Variants in EPM2A observed in about 807,000 individuals in gnomAD.
EPM2A encodes laforin.
Under a neutral mutation model 26.5 loss-of-function variants are expected in EPM2A, and 21 were observed. That is an observed-to-expected ratio of 0.79 (90% CI 0.56 to 1.14). The LOEUF (loss-of-function observed/expected upper bound fraction) is 1.14, where lower values mean the gene tolerates loss of function less well. Ranked by LOEUF, EPM2A falls within the 50% of genes most tolerant of loss-of-function variation. The pLI, the probability that EPM2A is intolerant of heterozygous loss-of-function variation, is 0.00. For missense variants in EPM2A, 458 were observed against 440.8 expected, an observed-to-expected ratio of 1.04 and a Z score of -0.35; for synonymous variants, 217 against 177.6, an observed-to-expected ratio of 1.22 and a Z score of -1.76.
intron 4 of EPM2A, among the ~76,000 whole-genome samples, chr6:145,414,964 C>T (rs1451083006): frequency 6.6e-6 from 1 of 152,186 alleles, no homozygotes; most frequent in East Asian, 1.9e-4. Flanking sequence ...CTTTGGCTCA[C>T]TTTTCCCCCC....
Position 145,524,190 on chromosome 6 carries a change from T to C in EPM2A, c.341-21615A>G, listed in dbSNP as rs573419860. On this transcript the variant is annotated intron_variant, in intron 2 of 3. Coordinates refer to the EPM2A transcript ENST00000450221. ...TATATTTTCTTTATTCAATCCACCATTGATGGGCATCTAGGTTAATATCTT... is the reference window on the plus strand; with the variant it reads ...TATATTTTCTTTATTCAATCCACCACTGATGGGCATCTAGGTTAATATCTT... Among the ~76,000 whole-genome samples, 19 of 152,352 alleles carry C rather than the reference T, an allele frequency of 1.2e-4. No individual in the cohort carries two copies. The East Asian group carries it at 1.5e-3, about 12-fold the overall frequency.
chr6:145,701,004 C>T (rs746951616), intron 1 of EPM2A, among the ~76,000 whole-genome samples: 1 of 152,082 alleles, frequency 6.6e-6, no homozygotes, highest in Non-Finnish European at 1.5e-5. Context: ...TAGAAATATA[C>T]AGCTAGTTGA....
At chr6:145,440,202 C>T (rs1214144978) in intron 4 of EPM2A, among the ~76,000 whole-genome samples, 2 of 152,162 alleles carry the variant, frequency 1.3e-5, no homozygotes. Context: ...AGGCACATCT[C>T]ATATGGTGGC....
intron 2 of EPM2A, among the ~76,000 whole-genome samples, chr6:145,679,681 G>T (rs1780352375): frequency 6.6e-6 from 1 of 152,046 alleles, no homozygotes; most frequent in Non-Finnish European, 1.5e-5. Flanking sequence ...ATTCATCATG[G>T]AATTTCACAC....
At chr6:145,644,563 C>G (rs1777320992) in intron 2 of EPM2A, among the ~76,000 whole-genome samples, 1 of 152,058 alleles carries the variant, frequency 6.6e-6, no homozygotes, top group Non-Finnish European at 1.5e-5. Flanking sequence ...AGCAGTGCTG[C>G]AGTCAGGGAT....
At chr6:145,723,263 T>A (rs537425306) in intron 1 of EPM2A, among the ~76,000 whole-genome samples, 2 of 152,194 alleles carry the variant, frequency 1.3e-5, no homozygotes, top group East Asian at 3.9e-4. Flanking sequence ...GCCATTAAAA[T>A]CTAAGAATAT....
chr6:145,488,584 A>G (rs1779710192), intron 4 of EPM2A, among the ~76,000 whole-genome samples: 1 of 151,768 alleles, frequency 6.6e-6, no homozygotes, highest in Admixed American at 6.6e-5. Context: ...GATTAAAAAT[A>G]TTTAGACATT....
At chr6:145,657,089 C>CTTTTT (rs5880652) in intron 2 of EPM2A, among the ~76,000 whole-genome samples, 3 of 121,826 alleles carry the variant, frequency 2.5e-5, no homozygotes, top group Non-Finnish European at 3.4e-5. Flanking sequence ...GTCATTTTTC[C>CTTTTT]TTTTTTTTTT....
At chr6:145,569,991 G>A (rs1441955618) in intron 2 of EPM2A, among the ~76,000 whole-genome samples, 5 of 152,178 alleles carry the variant, frequency 3.3e-5, no homozygotes, top group East Asian at 1.9e-4. Flanking sequence ...CCCGATGTTC[G>A]AGGGCAGGAA....
chr6:145,518,132 G>C (rs1780154242), intron 2 of EPM2A, among the ~76,000 whole-genome samples: 1 of 152,120 alleles, frequency 6.6e-6, no homozygotes, highest in Admixed American at 6.6e-5. Flanking sequence ...TCTGGAAAGT[G>C]GCCTAAGCAT....
chr6:145,491,158 T>A, intron 4 of EPM2A: 1 of 533,348 alleles, frequency 1.9e-6, no homozygotes, highest in Non-Finnish European at 3.6e-6. Flanking sequence ...GTTTTCTTTG[T>A]TCCTGACTTC....
chr6:145,698,445 C>G (rs1045395496), intron 1 of EPM2A, among the ~76,000 whole-genome samples: 1 of 152,058 alleles, frequency 6.6e-6, no homozygotes, highest in Non-Finnish European at 1.5e-5. Flanking sequence ...GGAAAACTCC[C>G]AGAAGGACCT....
chr6:145,732,875 A>G (rs553023959), intron 1 of EPM2A, among the ~76,000 whole-genome samples: 58 of 152,324 alleles, frequency 3.8e-4, no homozygotes, highest in African/African-American at 1.3e-3. Flanking sequence ...TATATATCCT[A>G]TTCTACAAAA....
chr6:145,706,033 T>G (rs1782206390), intron 1 of EPM2A: 2 of 437,982 alleles, frequency 4.6e-6, no homozygotes, highest in South Asian at 3.2e-5. Flanking sequence ...AGACTTGGAA[T>G]GTTTAGGTTT....
At chr6:145,624,078 A>G (rs17724957), downstream of EPM2A, among the ~76,000 whole-genome samples, 622 of 152,228 alleles carry the variant, frequency 4.1e-3, 17 homozygotes, top group East Asian at 0.069. Context: ...AGTGTCATCA[A>G]TCCTTTCCCC....
At chr6:145,398,210 A>G (rs6935624) in intron 4 of EPM2A, among the ~76,000 whole-genome samples, 8,348 of 152,200 alleles carry the variant, frequency 0.055, 553 homozygotes, top group African/African-American at 0.15. Flanking sequence ...CAACAGTCAG[A>G]ATCTGACAGG....
chr6:145,714,255 C>T (rs1271471349), intron 1 of EPM2A, among the ~76,000 whole-genome samples: 1 of 152,174 alleles, frequency 6.6e-6, no homozygotes, highest in Non-Finnish European at 1.5e-5. Flanking sequence ...GCTCAAGTCC[C>T]AGATATAAAA....
At chr6:145,393,165 C>T (rs535089360) in intron 4 of EPM2A, among the ~76,000 whole-genome samples, 2 of 152,148 alleles carry the variant, frequency 1.3e-5, no homozygotes, top group African/African-American at 4.8e-5. Flanking sequence ...TAAAAGGCCT[C>T]ATGAATTGGC....
At chr6:145,423,002 T>C (rs1033300372) in intron 4 of EPM2A, among the ~76,000 whole-genome samples, 1 of 152,134 alleles carries the variant, frequency 6.6e-6, no homozygotes, top group East Asian at 1.9e-4. Context: ...TGATCATTAA[T>C]TTAATTAGGG....
Sources: allele counts gnomAD v4.1 joint callset (sites outside exome capture counted in the v4.1 genomes callset), GRCh38; gene constraint gnomAD v4.1.1; transcripts MANE v1.5; gene names NCBI Gene and HGNC (gene_info 2026-07-23, HGNC 2026-07-21).